The following KIFC1 variants were observed in gnomAD, a reference collection of about 807,000 sequenced individuals.
KIFC1 encodes the protein kinesin family member C1.
In KIFC1, 37 loss-of-function variants were observed where a neutral mutation model predicts 66.6. The observed-to-expected ratio is 0.56, with a 90% CI of 0.43 to 0.73. KIFC1 has a LOEUF of 0.73. Ranked by LOEUF, KIFC1 falls within the 30% of genes least tolerant of loss-of-function variation. KIFC1 has a pLI of 0.00. For missense variants in KIFC1, 721 were observed against 859.8 expected (o/e 0.84, Z 2.02); for synonymous variants, 325 against 343.5 (o/e 0.95, Z 0.60).
In KIFC1 at chr6:33,391,982, G is replaced by A; in HGVS notation, c.-4G>A. The A allele has an allele frequency of 1.2e-6, 2 of 1,613,998 alleles. No individual in the cohort carries two copies. Among genetic ancestry groups the A allele is most frequent in the South Asian group, 2.2e-5 (2 of 91,078 alleles). On this transcript the variant is annotated 5_prime_UTR_variant, in exon 1 of 11. Coordinates refer to ENST00000428849, the MANE Select transcript of KIFC1 (RefSeq NM_002263.4). ...CCCCCGGCGCGTGTGGGACCGAGGT[G>A]GACATGGATCCGCAGGTGAGTAGGG...
At chr6:33,393,816 G>A (rs573062058) in intron 1 of KIFC1, among the ~76,000 whole-genome samples, 3 of 146,210 alleles carry the variant, frequency 2.1e-5, no homozygotes, top group Non-Finnish European at 3.0e-5. Flanking sequence ...GCGCGGTCTC[G>A]GCTCACTGCA....
rs971983699 is a variant in KIFC1, at chr6:33,400,090, TTGATGTCATCTA to T, written c.250+1713_250+1724del. 3 of 774,986 alleles carry T rather than the reference TTGATGTCATCTA, an allele frequency of 3.9e-6. No homozygotes were observed. The highest frequency in any genetic ancestry group is 7.0e-6 in the Non-Finnish European group (3 of 429,918). 48.0% of individuals were successfully genotyped at this position (774,986 alleles called of 1,614,324 possible). A position where few individuals can be genotyped will look rare whatever the true frequency, so the allele number is the denominator to read the frequency against. On this transcript the variant is annotated intron_variant, in intron 3 of 10. Coordinates refer to ENST00000428849, the MANE Select transcript of KIFC1 (RefSeq NM_002263.4). This position sits in a 1 kb window ranked among gnomAD's most constrained non-coding sequence, Gnocchi z 4.3. ...AGCTGGGCATTCCACAGCACCACTGTTGATGTCATCTATGATGTCATGAGGGTGGTGGCCATC... is the reference window on the plus strand; with the variant it reads ...AGCTGGGCATTCCACAGCACCACTGTTGATGTCATGAGGGTGGTGGCCATC...
rs772063640 is a variant in KIFC1, at chr6:33,405,000, A to G, written c.905A>G (p.Asn302Ser). 8 of 1,614,102 alleles carry G rather than the reference A, an allele frequency of 5.0e-6. No homozygotes were observed. The Admixed American group carries it at 6.7e-5, about 13-fold the overall frequency. Reference protein sequence around the residue: ...GLEMERRRLHNQLQELKGNIR... With the variant: ...GLEMERRRLHSQLQELKGNIR... ...GAAATGGAGCGCCGGCGACTGCACA[A>G]CCAGCTGCAGGAACTCAAGGGCAAC... The change falls in exon 7 of 11, where the codon AAC becomes AGC. Residue 302 changes from asparagine to serine, a missense_variant. Transcript: ENST00000428849. This position sits in a 1 kb window ranked among gnomAD's most constrained non-coding sequence, Gnocchi z 4.0.
intron 10 of KIFC1, 128 bp downstream of exon 10, chr6:33,407,003 C>T (rs1775698317): frequency 4.1e-6 from 6 of 1,456,122 alleles, no homozygotes; most frequent in Non-Finnish European, 5.4e-6. Flanking sequence ...ATCTGAGGCA[C>T]TGCTCACCTG....
Position 33,405,463 on chromosome 6 carries a change from C to T in KIFC1, c.1368C>T (p.Ser456=), listed in dbSNP as rs1325626740. 6.2e-7 allele frequency: 1 copy of T among 1,609,918 alleles called. No individual in the cohort carries two copies. The highest frequency in any genetic ancestry group is 1.1e-5 in the South Asian group (1 of 90,510). The change falls in exon 7 of 11, where the codon AGC becomes AGT. Residue 456 remains serine, a synonymous_variant. Coordinates refer to ENST00000428849, the MANE Select transcript of KIFC1 (RefSeq NM_002263.4). This position sits in a 1 kb window ranked among gnomAD's most constrained non-coding sequence, Gnocchi z 5.4. ...QELSGQGWTY[S]FVASYVEIYN... ...TGAGTGGTCAGGGCTGGACCTACAG[C>T]TTTGTAGCAAGCTACGTAGAGATCT...
Position 33,404,826 on chromosome 6 carries a change from T to C in KIFC1, c.757-26T>C. ...CTTCTTGGTTGCATCTTACCCTCTG[T>C]GTATGTTGTGTTCTCTTCTGGGCAG... On this transcript the variant is annotated intron_variant, in intron 6 of 10. Transcript: ENST00000428849. This position sits in a 1 kb window ranked among gnomAD's most constrained non-coding sequence, Gnocchi z 4.0. The C allele has an allele frequency of 6.4e-7, 1 of 1,573,332 alleles. No individual in the cohort carries two copies. Among genetic ancestry groups the C allele is most frequent in the Non-Finnish European group, 8.6e-7 (1 of 1,157,176 alleles).
rs9280440 is a variant in KIFC1 at position 33,401,704 on chromosome 6, C to CT, written c.251-1595dup. On this transcript the variant is annotated intron_variant, in intron 3 of 10. Transcript: ENST00000428849. The surrounding 1 kb of genome is among the most constrained non-coding windows in gnomAD (Gnocchi z 4.5). ...ATAACAATGCTTTCTTCTGGATTGC[C>CT]TTTTTTTTTTTTTTTGAGACGGAGT... Among the ~76,000 whole-genome samples the CT allele has an allele frequency of 2.3e-5, 3 of 129,812 alleles. No homozygotes were observed. The highest frequency in any genetic ancestry group is 7.7e-5 in the Admixed American group (1 of 12,928). 85.2% of individuals were successfully genotyped at this position (129,812 alleles called of 152,430 possible).
At chr6:33,391,487 C>T (rs1774773922), upstream of KIFC1, 1 of 182,334 alleles carries the variant, frequency 5.5e-6, no homozygotes, top group Admixed American at 6.3e-5. Flanking sequence ...AGCGTCCCCG[C>T]CCCTTCTCCT....
chr6:33,394,725 G>A (rs562719223), intron 1 of KIFC1, among the ~76,000 whole-genome samples: 5 of 152,110 alleles, frequency 3.3e-5, no homozygotes, highest in Admixed American at 6.5e-5. Context: ...CAAGTGATCC[G>A]CCCGCCTCGG....
intron 10 of KIFC1, among the ~76,000 whole-genome samples, chr6:33,408,213 C>T (rs1379124612): frequency 1.3e-5 from 2 of 152,204 alleles, no homozygotes; most frequent in Admixed American, 6.5e-5. Flanking sequence ...AATCAGGATC[C>T]AGGCAAGGGC....
At chr6:33,409,594 G>A (rs202064015) in intron 10 of KIFC1, 52 bp from the exon 11 acceptor site, 322 of 1,557,068 alleles carry the variant, frequency 2.1e-4, no homozygotes, top group Non-Finnish European at 2.7e-4. Flanking sequence ...TGGGAAAAAT[G>A]TTGTATTGGT....
chr6:33,409,548 C>A, intron 10 of KIFC1, 98 bp from the exon 11 acceptor site: 3 of 1,238,706 alleles, frequency 2.4e-6, no homozygotes, highest in South Asian at 1.2e-5. Context: ...TTCGGTATTT[C>A]TGAGGGCAGC....
chr6:33,403,554 C>T lies in KIFC1; in HGVS notation c.355+19C>T. 1.2e-6 allele frequency: 2 copies of T among 1,612,924 alleles called. No homozygotes were observed. The highest frequency in any genetic ancestry group is 8.5e-7 in the Non-Finnish European group (1 of 1,178,866). ...TCTGGCAGTAAGTGACAAACATAAC[C>T]ACTGGGTGAGAGGCTGGGATAGGGA... On this transcript the variant is annotated intron_variant, in intron 5 of 10. Transcript: ENST00000428849. This position sits in a 1 kb window ranked among gnomAD's most constrained non-coding sequence, Gnocchi z 4.6.
intron 10 of KIFC1, 109 bp from the exon 11 acceptor site, chr6:33,409,537 T>A (rs1395318869): frequency 1.8e-6 from 2 of 1,104,324 alleles, no homozygotes; most frequent in Non-Finnish European, 2.8e-6. Flanking sequence ...GGAGGCCTTA[T>A]TTCGGTATTT....
In KIFC1 at chr6:33,409,700, CAGATCTGTGTGTGTGTGTGTGTGTGT is replaced by C; in HGVS notation, c.*11_*36del. The C allele has an allele frequency of 7.1e-7, 1 of 1,413,210 alleles. No homozygotes were observed. The highest frequency in any genetic ancestry group is 9.5e-7 in the Non-Finnish European group (1 of 1,051,780). 87.5% of individuals were successfully genotyped at this position (1,413,210 alleles called of 1,614,324 possible). A position where few individuals can be genotyped will look rare whatever the true frequency, so the allele number is the denominator to read the frequency against. On this transcript the variant is annotated 3_prime_UTR_variant, in exon 11 of 11. Transcript: ENST00000428849. Reference sequence around the variant, plus strand: ...GGCCAACAGGAAGTGAAGACGGATCCAGATCTGTGTGTGTGTGTGTGTGTGTGTGTGTGTGTGTGTGTGTGTGTGTG... The same window carrying C: ...GGCCAACAGGAAGTGAAGACGGATCCGTGTGTGTGTGTGTGTGTGTGTGTG...
At position 33,398,330 on chromosome 6, in the gene KIFC1, T is replaced by C. The variant is rs1407193175; in HGVS notation, c.193T>C (p.Ser65Pro). The C allele has an allele frequency of 6.2e-7, 1 of 1,613,900 alleles. No individual in the cohort carries two copies. Among genetic ancestry groups the C allele is most frequent in the Non-Finnish European group, 8.5e-7 (1 of 1,179,986 alleles). ...GGGTGCAACGACCAAAATTACCACA[T>C]CCCACCCAAGAGTTCCATCCCTCAC... ...GLGATTKITT[S>P]HPRVPSLTTV... Residue 65 changes from serine to proline, a missense_variant, in exon 3 of 11, where the codon TCC (serine) becomes CCC (proline). Ser to Pro is a moderately conservative substitution (Grantham distance 74, BLOSUM62 -1). Transcript: ENST00000428849.
intron 3 of KIFC1, among the ~76,000 whole-genome samples, chr6:33,402,847 C>T (rs923281297): frequency 6.6e-6 from 1 of 151,722 alleles, no homozygotes; most frequent in Non-Finnish European, 1.5e-5. Context: ...ATTAGTTGGG[C>T]GTGGTGGCGC....
chr6:33,395,244 C>T (rs1774976169), intron 1 of KIFC1, among the ~76,000 whole-genome samples: 1 of 152,116 alleles, frequency 6.6e-6, no homozygotes, highest in Non-Finnish European at 1.5e-5. Flanking sequence ...AGGATAGTAC[C>T]TGTTAGGGAA....
In KIFC1 at chr6:33,405,860, C is replaced by G. The variant is rs527443648; in HGVS notation, c.1536+229C>G. 7.9e-5 allele frequency among the ~76,000 whole-genome samples: 12 copies of G among 152,188 alleles called. No individual in the cohort carries two copies. Among genetic ancestry groups the G allele is most frequent in the African/African-American group, 2.9e-4 (12 of 41,514 alleles). On this transcript the variant is annotated intron_variant, in intron 7 of 10. Transcript: ENST00000428849. The surrounding 1 kb of genome is among the most constrained non-coding windows in gnomAD (Gnocchi z 5.4). ...CAAAACGAGGAGGGTCACTACATCT[C>G]ATGTCTCATCTTCTTGCTCAGCTCA...
Sources: gnomAD v4.1 joint callset for allele counts (sites outside exome capture counted in the v4.1 genomes callset) on GRCh38, gnomAD v4.1.1 for gene constraint, Gnocchi (gnomAD v3.1) non-coding constraint, MANE v1.5 for transcripts, NCBI Gene and HGNC (gene_info 2026-07-23, HGNC 2026-07-21) for gene names.